SPATS2L: variants seen among roughly 807,000 people sequenced by gnomAD.
The protein encoded by SPATS2L is spermatogenesis associated serine rich 2 like.
SPATS2L carries 30 observed loss-of-function variants against 59.6 expected under a neutral mutation model. That is an observed-to-expected ratio of 0.50 (90% confidence interval 0.38 to 0.68). The LOEUF (loss-of-function observed/expected upper bound fraction) is 0.68. Among genes scored for constraint, SPATS2L ranks in the 30% least tolerant of loss-of-function variants. The probability of loss-of-function intolerance (pLI) is 0.00; values close to 1 mark genes in which losing one functional copy is unlikely to be tolerated. For missense variants in SPATS2L, 615 were observed against 700.0 expected (o/e 0.88, Z 1.37); for synonymous variants, 252 against 263.5 (o/e 0.96, Z 0.42).
At chr2:200,399,157 A>G (rs958214914) in intron 3 of SPATS2L, among the ~76,000 whole-genome samples, 4 of 152,210 alleles carry the variant, frequency 2.6e-5, no homozygotes, top group Admixed American at 2.6e-4. Flanking sequence ...TCATAGGGAC[A>G]GTGCCTCTAG....
chr2:200,415,879 T>G (rs1262643297), intron 4 of SPATS2L, among the ~76,000 whole-genome samples: 1 of 152,020 alleles, frequency 6.6e-6, no homozygotes, highest in African/African-American at 2.4e-5. Context: ...GAAACTAATA[T>G]CATTGTAATA....
intron 3 of SPATS2L, among the ~76,000 whole-genome samples, chr2:200,397,050 G>T (rs2082377246): frequency 6.6e-6 from 1 of 152,160 alleles, no homozygotes; most frequent in South Asian, 2.1e-4. Context: ...CAGTTTCAGG[G>T]GATAAGAAGA....
intron 2 of SPATS2L, among the ~76,000 whole-genome samples, chr2:200,355,647 A>G (rs2080890549): frequency 1.3e-5 from 2 of 152,252 alleles, no homozygotes; most frequent in Non-Finnish European, 2.9e-5. Context: ...CAGGACTAGA[A>G]GTTCTGAATT....
chr2:200,306,445 T>C (rs2079013413), upstream of SPATS2L: 1 of 1,001,910 alleles, frequency 1.0e-6, no homozygotes, highest in Non-Finnish European at 1.2e-6. Context: ...GGGATTCTTC[T>C]AGAAAGTGGG....
intron 9 of SPATS2L, among the ~76,000 whole-genome samples, chr2:200,462,903 A>G (rs1460292941): frequency 6.6e-6 from 1 of 152,096 alleles, no homozygotes; most frequent in Non-Finnish European, 1.5e-5. Flanking sequence ...TCCAGCCTAT[A>G]TAACGGAGAG....
chr2:200,464,170 A>G (rs2086430189), intron 9 of SPATS2L, among the ~76,000 whole-genome samples: 1 of 152,200 alleles, frequency 6.6e-6, no homozygotes, highest in African/African-American at 2.4e-5. Context: ...GGATCAGTGA[A>G]GCTTAAGATC....
intron 6 of SPATS2L, among the ~76,000 whole-genome samples, chr2:200,426,508 C>G (rs965227600): frequency 2.0e-5 from 3 of 152,158 alleles, no homozygotes; most frequent in African/African-American, 7.2e-5. Context: ...GCAGGAGGAT[C>G]ACTTGAGCCC....
In SPATS2L at chr2:200,469,919, T is replaced by C. The variant is rs759921223; in HGVS notation, c.963T>C (p.Phe321=). Reference sequence around the variant, plus strand: ...TTTTCATCTCTTTCCTCCAGCACTTTGTCAGCGAGCGTAAATATGACGAGG... The same window carrying C: ...TTTTCATCTCTTTCCTCCAGCACTTCGTCAGCGAGCGTAAATATGACGAGG... ...LAELRAEIKH[F]VSERKYDEEL... The change falls in exon 11 of 13, where the codon TTT becomes TTC. Residue 321 remains phenylalanine (F), a synonymous_variant. Transcript: ENST00000409140. 2.9e-5 allele frequency: 46 copies of C among 1,608,796 alleles called. No individual in the cohort carries two copies. The Admixed American group carries it at 4.2e-4, about 15-fold the overall frequency.
chr2:200,372,517 T>C (rs2081461743), intron 2 of SPATS2L, among the ~76,000 whole-genome samples: 1 of 151,976 alleles, frequency 6.6e-6, no homozygotes, highest in Non-Finnish European at 1.5e-5. Context: ...ACTGAGAAAA[T>C]GTTGTTCCTC....
rs186569361 is a variant in SPATS2L, at chr2:200,435,862, G to A, written c.446-3260G>A. 2.3e-3 allele frequency among the ~76,000 whole-genome samples: 352 copies of A among 152,120 alleles called. 3 individuals are homozygous for A. Among genetic ancestry groups the A allele is most frequent in the African/African-American group, 7.7e-3 (321 of 41,522 alleles). ...TAGCCACATTTAAAAAGTGTAAACA[G>A]GTGAATTAAATTGGGTAATATATTT... is the stretch of plus-strand genomic sequence containing the variant. On this transcript the variant is annotated intron_variant, in intron 6 of 12. Coordinates refer to ENST00000409140, the MANE Select transcript of SPATS2L (RefSeq NM_001100423.2).
chr2:200,410,384 C>T (rs1468886517), intron 3 of SPATS2L, among the ~76,000 whole-genome samples: 1 of 136,742 alleles, frequency 7.3e-6, no homozygotes, highest in Non-Finnish European at 1.6e-5. Context: ...ATCTTAACCT[C>T]TCTCAAAAAC....
At chr2:200,442,021 A>G (rs2106112577) in intron 8 of SPATS2L, among the ~76,000 whole-genome samples, 1 of 152,250 alleles carries the variant, frequency 6.6e-6, no homozygotes, top group Non-Finnish European at 1.5e-5. Flanking sequence ...TAGGAACTTA[A>G]AAGAAAACTT....
chr2:200,454,168 T>C (rs1190780610), intron 8 of SPATS2L, among the ~76,000 whole-genome samples: 1 of 152,228 alleles, frequency 6.6e-6, no homozygotes, highest in African/African-American at 2.4e-5. Context: ...GAATGTGGCC[T>C]GGTTTTAAAT....
intron 11 of SPATS2L, among the ~76,000 whole-genome samples, chr2:200,470,406 G>A (rs561591188): frequency 2.0e-5 from 3 of 152,344 alleles, no homozygotes; most frequent in African/African-American, 7.2e-5. Context: ...TTGTTGTGCA[G>A]GGCCCAGCTG....
rs764588268 is a variant in SPATS2L, at chr2:200,477,925, G to T, written c.1571G>T (p.Arg524Leu). 1 of 1,612,076 alleles carries T rather than the reference G, an allele frequency of 6.2e-7. No individual in the cohort carries two copies. The highest frequency in any genetic ancestry group is 8.5e-7 in the Non-Finnish European group (1 of 1,179,722). The change falls in exon 13 of 13, where the codon CGG (arginine) becomes CTG (leucine). Residue 524 changes from arginine (R) to leucine (L), a missense_variant. Arg to Leu is a moderately radical substitution (Grantham distance 102). Transcript: ENST00000409140. The part of the protein sequence containing the change: ...AADTSEARPF[R>L]GSVGRVSQCN... Reference sequence around the variant, plus strand: ...GACACCTCGGAGGCCAGGCCCTTCCGGGGTAGTGTCGGTAGGGTTTCACAG... The same window carrying T: ...GACACCTCGGAGGCCAGGCCCTTCCTGGGTAGTGTCGGTAGGGTTTCACAG...
chr2:200,427,654 C>T (rs1378890017), intron 6 of SPATS2L, among the ~76,000 whole-genome samples: 1 of 151,896 alleles, frequency 6.6e-6, no homozygotes, highest in Admixed American at 6.6e-5. Flanking sequence ...CATCAAGCTT[C>T]ATAGGATTTG....
At chr2:200,355,442 C>G (rs944879733) in intron 2 of SPATS2L, among the ~76,000 whole-genome samples, 1 of 152,184 alleles carries the variant, frequency 6.6e-6, no homozygotes, top group Non-Finnish European at 1.5e-5. Flanking sequence ...AGGACAAGCC[C>G]CATTCATTGT....
At chr2:200,394,138 G>GA (rs1252235289) in intron 3 of SPATS2L, among the ~76,000 whole-genome samples, 2 of 152,288 alleles carry the variant, frequency 1.3e-5, no homozygotes, top group South Asian at 4.1e-4. Context: ...TAACGATAAG[G>GA]ATTTAAATTG....
At chr2:200,463,352 A>G (rs759035137) in intron 9 of SPATS2L, 1 of 152,186 alleles carries the variant, frequency 6.6e-6, no homozygotes, top group Non-Finnish European at 1.5e-5. Context: ...CACCTAACCC[A>G]GTGCTGAGAA....
Sources: gnomAD v4.1 joint callset for allele counts (sites outside exome capture counted in the v4.1 genomes callset) on GRCh38, gnomAD v4.1.1 for gene constraint, MANE v1.5 for transcripts, NCBI Gene and HGNC (gene_info 2026-07-23, HGNC 2026-07-21) for gene names.